The following SUMF1 variants were observed in gnomAD, a reference collection of about 807,000 sequenced individuals.
The protein encoded by SUMF1 is sulfatase modifying factor 1.
In SUMF1, 48 loss-of-function variants were observed where a neutral mutation model predicts 47.6. That is an observed-to-expected ratio of 1.01 (90% CI 0.80 to 1.28). The LOEUF (loss-of-function observed/expected upper bound fraction) is 1.28, where lower values mean the gene tolerates loss of function less well. Among genes scored for constraint, SUMF1 ranks in the 50% most tolerant of loss-of-function variants. The pLI, the probability that SUMF1 is intolerant of heterozygous loss-of-function variation, is 0.00. For synonymous variants in SUMF1, 230 were observed against 192.1 expected (o/e 1.20, Z -1.63); for missense variants, 571 against 485.4 (o/e 1.18, Z -1.66).
chr3:4,107,861 T>C (rs1693193858), intron 8 of SUMF1, among the ~76,000 whole-genome samples: 1 of 152,142 alleles, frequency 6.6e-6, no homozygotes, highest in Non-Finnish European at 1.5e-5. Context: ...TTTGACCTAG[T>C]AATTCCATTC....
At position 4,151,554 on chromosome 3, in the gene SUMF1, T is replaced by TACACAC. The variant is rs781615061; in HGVS notation, c.1015-82810_1015-82809insGTGTGT. ...ATATGTGTATATATATGTGTGTGTA[T>TACACAC]ATACACACACACACACACACACACA... is the stretch of plus-strand genomic sequence containing the variant. On this transcript the variant is annotated intron_variant and NMD_transcript_variant, in intron 8 of 12. Coordinates refer to the SUMF1 transcript ENST00000448413. Among the ~76,000 whole-genome samples the TACACAC allele has an allele frequency of 2.3e-4, 23 of 98,256 alleles. 1 individual carries two copies. The highest frequency in any genetic ancestry group is 1.7e-3 in the Admixed American group (13 of 7,814). 64.5% of individuals were successfully genotyped at this position (98,256 alleles called of 152,430 possible).
chr3:4,301,279 G>A (rs1457597130), intron 8 of SUMF1, among the ~76,000 whole-genome samples: 1 of 152,170 alleles, frequency 6.6e-6, no homozygotes, highest in Non-Finnish European at 1.5e-5. Context: ...CTTTTTGAGG[G>A]AATGTCAACA....
intron 8 of SUMF1, among the ~76,000 whole-genome samples, chr3:4,334,685 T>G (rs892547459): frequency 6.6e-6 from 1 of 152,050 alleles, no homozygotes; most frequent in African/African-American, 2.4e-5. Context: ...CCAAGAGGGG[T>G]GGGTTCCCTG....
intron 8 of SUMF1, among the ~76,000 whole-genome samples, chr3:4,268,307 T>G (rs1697238564): frequency 2.0e-5 from 3 of 151,884 alleles, no homozygotes; most frequent in African/African-American, 7.3e-5. Context: ...CGGGGAGGGA[T>G]AGCATTGGGA....
At chr3:4,248,516 A>G (rs1185000491) in intron 8 of SUMF1, among the ~76,000 whole-genome samples, 1 of 152,206 alleles carries the variant, frequency 6.6e-6, no homozygotes, top group Non-Finnish European at 1.5e-5. Flanking sequence ...TGGATTAATG[A>G]GTGGCAAGAT....
chr3:4,263,982 A>G (rs1413501362), intron 8 of SUMF1, among the ~76,000 whole-genome samples: 1 of 152,256 alleles, frequency 6.6e-6, no homozygotes, highest in Non-Finnish European at 1.5e-5. Flanking sequence ...ATACATATTA[A>G]TAGCAAATCT....
chr3:4,100,042 ATTCAATTTAATAATATGAAT>A (rs1345950416), intron 8 of SUMF1, among the ~76,000 whole-genome samples: 5 of 151,360 alleles, frequency 3.3e-5, no homozygotes, highest in African/African-American at 9.7e-5. Context: ...ATTCAATCCA[ATTCAATTTAATAATATGAAT>A]TCTTCCAATC....
rs368821807 is a variant in SUMF1, at chr3:4,467,107, C to T, written c.139G>A (p.Ala47Thr). 25 of 1,562,184 alleles carry T rather than the reference C, an allele frequency of 1.6e-5. No individual in the cohort carries two copies. The highest frequency in any genetic ancestry group is 2.3e-5 in the South Asian group (2 of 85,614). Reference sequence around the variant, plus strand: ...GGCGTGCCGCAGCCGCAAGAACCCGCAAGGGACCCCGCGCCCGCACCGGTC... The same window carrying T: ...GGCGTGCCGCAGCCGCAAGAACCCGTAAGGGACCCCGCGCCCGCACCGGTC... ...AGTGAGAGSL[A>T]GSCGCGTPQR... Residue 47 changes from alanine to threonine, a missense_variant, in exon 1 of 9, where the codon GCG becomes ACG. Transcript: ENST00000272902.
At chr3:4,286,262 C>A (rs1325065063) in intron 8 of SUMF1, among the ~76,000 whole-genome samples, 1 of 151,806 alleles carries the variant, frequency 6.6e-6, no homozygotes, top group Non-Finnish European at 1.5e-5. Context: ...AATAAAAATA[C>A]TATAAAGTTA....
chr3:4,127,402 G>A lies in SUMF1; in HGVS notation c.1015-58657C>T, dbSNP rs182826929. On this transcript the variant is annotated intron_variant and NMD_transcript_variant, in intron 8 of 12. Transcript: ENST00000448413. ...AGGAGATTAACATTTGAGTCAGTGG[G>A]TTGAGAAAGGCAGACCCACCCTTAA... Among the ~76,000 whole-genome samples the A allele has an allele frequency of 1.0e-3, 158 of 152,270 alleles. 1 individual carries two copies. Among genetic ancestry groups the A allele is most frequent in the Admixed American group, 6.1e-3 (93 of 15,298 alleles).
intron 8 of SUMF1, among the ~76,000 whole-genome samples, chr3:4,211,121 T>TATATATATATACAC (rs150373609): frequency 7.8e-6 from 1 of 128,296 alleles, no homozygotes; most frequent in Non-Finnish European, 1.6e-5. Context: ...TATATATATA[T>TATATATATATACAC]ACACACACAC....
intron 8 of SUMF1, among the ~76,000 whole-genome samples, chr3:4,180,826 C>A (rs1695080819): frequency 6.6e-6 from 1 of 151,916 alleles, no homozygotes; most frequent in South Asian, 2.1e-4. Flanking sequence ...GCACTCCAGC[C>A]TTGGTGACAG....
chr3:4,204,007 T>TA lies in SUMF1; in HGVS notation c.1015-135263dup, dbSNP rs1479903515. Among the ~76,000 whole-genome samples, 6 of 152,190 alleles carry TA rather than the reference T, an allele frequency of 3.9e-5. No homozygotes were observed. In the East Asian group the frequency reaches 1.2e-3, roughly 29 times the overall value. Reference sequence around the variant, plus strand: ...TTAGTCTTACTACTCAAGACATAAGTAGTTTATATACCACAATTACAGTGT... The same window carrying TA: ...TTAGTCTTACTACTCAAGACATAAGTAAGTTTATATACCACAATTACAGTGT... On this transcript the variant is annotated intron_variant and NMD_transcript_variant, in intron 8 of 12. Coordinates refer to the SUMF1 transcript ENST00000448413.
chr3:4,442,570 C>T (rs914505963), intron 3 of SUMF1, among the ~76,000 whole-genome samples: 1 of 147,138 alleles, frequency 6.8e-6, no homozygotes, highest in Non-Finnish European at 1.5e-5. Context: ...AGAATAGAGC[C>T]TCACACCAAG....
intron 3 of SUMF1, among the ~76,000 whole-genome samples, chr3:4,442,325 G>C (rs1034091754): frequency 1.3e-5 from 2 of 149,738 alleles, no homozygotes; most frequent in Admixed American, 1.3e-4. Flanking sequence ...GCGCGATCTC[G>C]GCTCACTGCA....
At position 4,076,683 on chromosome 3, in the gene SUMF1, A is replaced by C. The variant is rs899959752; in HGVS notation, c.1015-7938T>G. Among the ~76,000 whole-genome samples, 3 of 152,152 alleles carry C rather than the reference A, an allele frequency of 2.0e-5. No homozygotes were observed. In the East Asian group the frequency reaches 5.8e-4, roughly 29 times the overall value. ...AAAAACCCCATCAAAAAGCGGGTGA[A>C]GGATATGAACAGATACTTCTCAAAA... is the stretch of plus-strand genomic sequence containing the variant. On this transcript the variant is annotated intron_variant and NMD_transcript_variant, in intron 8 of 12. Coordinates refer to the SUMF1 transcript ENST00000448413.
At chr3:4,460,702 C>T (rs1250232880) in intron 1 of SUMF1, among the ~76,000 whole-genome samples, 2 of 151,284 alleles carry the variant, frequency 1.3e-5, no homozygotes, top group Admixed American at 6.6e-5. Context: ...TGTCACCCCA[C>T]GCTGGAGTGC....
chr3:4,034,521 A>G (rs576602288), intron 9 of SUMF1, among the ~76,000 whole-genome samples: 1 of 152,274 alleles, frequency 6.6e-6, no homozygotes, highest in South Asian at 2.1e-4. Context: ...TGAAAGAAAT[A>G]TAGCTTCCTG....
intron 8 of SUMF1, among the ~76,000 whole-genome samples, chr3:4,203,771 T>C (rs1019479586): frequency 1.5e-4 from 23 of 152,048 alleles, no homozygotes; most frequent in Admixed American, 7.2e-4. Flanking sequence ...TTTTTTTTAT[T>C]TGAGGTTACC....
Sources: gnomAD v4.1 joint callset for allele counts (sites outside exome capture counted in the v4.1 genomes callset) on GRCh38, gnomAD v4.1.1 for gene constraint, MANE v1.5 for transcripts, NCBI Gene and HGNC (gene_info 2026-07-23, HGNC 2026-07-21) for gene names.